Variants in SRD5A2 observed in about 807,000 individuals in gnomAD.
SRD5A2 encodes the protein steroid 5 alpha-reductase 2.
SRD5A2 carries 30 observed loss-of-function variants against 27.4 expected under a neutral mutation model. The ratio of observed to expected loss-of-function variants is 1.10; its 90% CI spans 0.82 to 1.49. SRD5A2 has a LOEUF of 1.49. SRD5A2 is among the 40% of genes most tolerant of loss of function. The pLI is 0.00. For synonymous variants in SRD5A2, 141 were observed against 133.6 expected, an observed-to-expected ratio of 1.06 and a Z score of -0.38; for missense variants, 348 against 323.4, an observed-to-expected ratio of 1.08 and a Z score of -0.58.
the SRD5A2 span, among the ~76,000 whole-genome samples, chr2:31,629,905 A>G: frequency 6.6e-6 from 1 of 152,286 alleles, no homozygotes; most frequent in East Asian, 1.9e-4. Context: ...CCCAAGTATT[A>G]GAGCAAGTTG....
At chr2:31,642,720 C>T in the SRD5A2 span, among the ~76,000 whole-genome samples, 8 of 151,920 alleles carry the variant, frequency 5.3e-5, no homozygotes, top group Non-Finnish European at 7.4e-5. Flanking sequence ...CAAGAAAGTA[C>T]ATAGAAACTT....
the SRD5A2 span, among the ~76,000 whole-genome samples, chr2:31,635,928 T>A: frequency 4.5e-4 from 69 of 152,116 alleles, no homozygotes; most frequent in African/African-American, 1.6e-3. Context: ...TTTATGCCAA[T>A]TCTATGATGT....
chr2:31,571,886 T>C (rs1471809056), intron 1 of SRD5A2, among the ~76,000 whole-genome samples: 2 of 152,222 alleles, frequency 1.3e-5, no homozygotes, highest in Admixed American at 6.5e-5. Flanking sequence ...GGCAAGGTTA[T>C]GGAGAAAAGG....
chr2:31,550,560 A>G (rs972948827), intron 1 of SRD5A2, among the ~76,000 whole-genome samples: 1 of 152,166 alleles, frequency 6.6e-6, no homozygotes, highest in South Asian at 2.1e-4. Context: ...AACTGGAGAT[A>G]TAGTTCAGAG....
Position 31,573,738 on chromosome 2 carries a change from A to G in SRD5A2, c.281+6882T>C, listed in dbSNP as rs527455316. 1.4e-4 allele frequency among the ~76,000 whole-genome samples: 21 copies of G among 152,306 alleles called. No individual in the cohort carries two copies. The South Asian group carries it at 4.3e-3, about 32-fold the overall frequency. ...GCAGGACCTGCCAAAGGATGCGTAC[A>G]GCTCAGCCCTTCTGCTGTCTTTTCA... On this transcript the variant is annotated intron_variant, in intron 1 of 4. Coordinates refer to ENST00000622030, the MANE Select transcript of SRD5A2 (RefSeq NM_000348.4).
intron 1 of SRD5A2, among the ~76,000 whole-genome samples, chr2:31,542,282 C>G (rs1666144311): frequency 6.6e-6 from 1 of 152,142 alleles, no homozygotes; most frequent in African/African-American, 2.4e-5. Flanking sequence ...ATATATACAC[C>G]TACTACATAC....
chr2:31,657,952 G>C, the SRD5A2 span, among the ~76,000 whole-genome samples: 1 of 151,966 alleles, frequency 6.6e-6, no homozygotes, highest in East Asian at 1.9e-4. Context: ...GAAAAAAGTA[G>C]AACAGTAAAT....
chr2:31,649,391 C>A, the SRD5A2 span, among the ~76,000 whole-genome samples: 2 of 152,174 alleles, frequency 1.3e-5, no homozygotes, highest in African/African-American at 4.8e-5. Context: ...ACCCAACACC[C>A]ACTGCCTTGT....
chr2:31,642,861 A>G, the SRD5A2 span, among the ~76,000 whole-genome samples: 2 of 152,098 alleles, frequency 1.3e-5, no homozygotes, highest in African/African-American at 4.8e-5. Flanking sequence ...ACTACTACTG[A>G]TACTATTGAC....
At chr2:31,548,498 T>G (rs1666310847) in intron 1 of SRD5A2, among the ~76,000 whole-genome samples, 1 of 152,238 alleles carries the variant, frequency 6.6e-6, no homozygotes, top group African/African-American at 2.4e-5. Flanking sequence ...ATCACTAATC[T>G]TTAGGGAAAT....
the SRD5A2 span, among the ~76,000 whole-genome samples, chr2:31,647,756 C>T: frequency 1.3e-5 from 2 of 152,144 alleles, no homozygotes; most frequent in African/African-American, 4.8e-5. Context: ...ACAAATGGCA[C>T]TAAATTATAT....
At chr2:31,578,226 A>G (rs544183486) in intron 1 of SRD5A2, among the ~76,000 whole-genome samples, 80 of 152,188 alleles carry the variant, frequency 5.3e-4, no homozygotes, top group Non-Finnish European at 3.2e-4. Context: ...TTAGGAAAAA[A>G]TGTTTTTATA....
chr2:31,592,968 G>A, the SRD5A2 span, among the ~76,000 whole-genome samples: 3 of 152,282 alleles, frequency 2.0e-5, no homozygotes, highest in East Asian at 3.9e-4. Flanking sequence ...TAGGGACATG[G>A]ATGAAATTGG....
At chr2:31,632,906 C>G in the SRD5A2 span, among the ~76,000 whole-genome samples, 1 of 152,046 alleles carries the variant, frequency 6.6e-6, no homozygotes, top group Non-Finnish European at 1.5e-5. Flanking sequence ...GCCCACACAG[C>G]AATATGGAGA....
the SRD5A2 span, among the ~76,000 whole-genome samples, chr2:31,643,629 CA>C: frequency 1.3e-5 from 2 of 151,212 alleles, no homozygotes; most frequent in Non-Finnish European, 3.0e-5. Context: ...AATTTCAGGA[CA>C]GGGGCAGAAA....
chr2:31,570,953 G>A (rs1019907379), intron 1 of SRD5A2, among the ~76,000 whole-genome samples: 5 of 152,072 alleles, frequency 3.3e-5, no homozygotes, highest in African/African-American at 9.7e-5. Context: ...CTGCCAAAGC[G>A]ATTTACAGAT....
the SRD5A2 span, among the ~76,000 whole-genome samples, chr2:31,598,936 C>A: frequency 3.9e-5 from 6 of 151,926 alleles, no homozygotes; most frequent in East Asian, 7.7e-4. Context: ...CACACTTCAC[C>A]TATACAGACA....
At chr2:31,585,219 G>A (rs1213776382), upstream of SRD5A2, among the ~76,000 whole-genome samples, 1 of 152,186 alleles carries the variant, frequency 6.6e-6, no homozygotes, top group Non-Finnish European at 1.5e-5. Context: ...CTGAAAGGCA[G>A]TTTAGGCCAA....
intron 1 of SRD5A2, among the ~76,000 whole-genome samples, chr2:31,550,126 A>T (rs1666354955): frequency 6.6e-6 from 1 of 152,116 alleles, no homozygotes; most frequent in Admixed American, 6.5e-5. Context: ...ACTAAACAGC[A>T]TACTTTTAAA....
Sources: allele counts gnomAD v4.1 joint callset (sites outside exome capture counted in the v4.1 genomes callset), GRCh38; gene constraint gnomAD v4.1.1; transcripts MANE v1.5; gene names NCBI Gene and HGNC (gene_info 2026-07-23, HGNC 2026-07-21).